The following SFXN5 variants were observed in gnomAD, a reference collection of about 807,000 sequenced individuals.
SFXN5 encodes the protein sideroflexin 5.
A neutral mutation model predicts 50.2 loss-of-function variants in SFXN5; 43 were observed. The ratio of observed to expected loss-of-function variants is 0.86; its 90% CI spans 0.67 to 1.11. SFXN5 has a LOEUF of 1.11. Among genes scored for constraint, SFXN5 ranks in the 50% least tolerant of loss-of-function variants. The pLI, the probability that SFXN5 is intolerant of heterozygous loss-of-function variation, is 0.00. For missense variants in SFXN5, 463 were observed against 454.1 expected, an observed-to-expected ratio of 1.02 and a Z score of -0.18; for synonymous variants, 203 against 185.8, an observed-to-expected ratio of 1.09 and a Z score of -0.75.
chr2:72,965,331 C>G (rs891395638), intron 12 of SFXN5, among the ~76,000 whole-genome samples: 2 of 152,212 alleles, frequency 1.3e-5, no homozygotes, highest in African/African-American at 4.8e-5. Flanking sequence ...TCCCTTCTGG[C>G]TCCCCTATCT....
At chr2:72,999,724 T>C (rs546324081) in intron 8 of SFXN5, among the ~76,000 whole-genome samples, 1 of 152,206 alleles carries the variant, frequency 6.6e-6, no homozygotes, top group South Asian at 2.1e-4. Flanking sequence ...CCAGCTCCTA[T>C]TCCCCTCCTC....
At chr2:72,965,062 C>G (rs984898018) in intron 12 of SFXN5, among the ~76,000 whole-genome samples, 1 of 152,208 alleles carries the variant, frequency 6.6e-6, no homozygotes, top group African/African-American at 2.4e-5. Context: ...GCCTGCCACA[C>G]CCCCTGATCC....
chr2:73,021,885 C>T (rs1676945317), intron 5 of SFXN5, among the ~76,000 whole-genome samples: 1 of 152,192 alleles, frequency 6.6e-6, no homozygotes, highest in Non-Finnish European at 1.5e-5. Context: ...CATGCCAGTG[C>T]TTTCTAAGCC....
At chr2:73,049,505 T>G (rs1305731733) in intron 2 of SFXN5, 1 of 152,180 alleles carries the variant, frequency 6.6e-6, no homozygotes, top group Non-Finnish European at 1.5e-5. Flanking sequence ...TTCTTGAGCC[T>G]TAGCCTCCCA....
chr2:73,060,169 C>T (rs770939235), intron 1 of SFXN5, among the ~76,000 whole-genome samples: 8 of 152,098 alleles, frequency 5.3e-5, no homozygotes, highest in East Asian at 3.9e-4. Context: ...AGGAAAGGAG[C>T]GGATTCAAAG....
At chr2:73,003,162 G>A (rs1374175867) in intron 6 of SFXN5, among the ~76,000 whole-genome samples, 2 of 152,118 alleles carry the variant, frequency 1.3e-5, no homozygotes, top group Non-Finnish European at 2.9e-5. Flanking sequence ...GGGGGTGGGT[G>A]AAGAGTACAT....
At chr2:72,981,965 T>TTGTGTGTGTGTGTG (rs10582006) in intron 10 of SFXN5, among the ~76,000 whole-genome samples, 16 of 145,610 alleles carry the variant, frequency 1.1e-4, no homozygotes, top group African/African-American at 3.5e-4. Flanking sequence ...CACTGGAACT[T>TTGTGTGTGTGTGTG]TGTGTGTGTG....
chr2:73,021,344 T>C (rs6546798), intron 5 of SFXN5, among the ~76,000 whole-genome samples: 149,566 of 152,206 alleles, frequency 0.98, 73,503 homozygotes, highest in East Asian at 1. Flanking sequence ...ATTAGCCAGG[T>C]GTGGTAGTGT....
At position 73,056,685 on chromosome 2, in the gene SFXN5, CA is replaced by C. The variant is rs143472338; in HGVS notation, c.171+1842del. On this transcript the variant is annotated intron_variant, in intron 2 of 13. Transcript: ENST00000272433. ...GGGCAACAAGAGCAAAACTCCGTCT[CA>C]AAAAAAAAAAAAAACACAAAAAACA... Among the ~76,000 whole-genome samples, 787 of 80,816 alleles carry C rather than the reference CA, an allele frequency of 9.7e-3. 5 individuals are homozygous for C. The highest frequency in any genetic ancestry group is 0.029 in the East Asian group (86 of 2,936). The allele number at this position is 80,816 out of a possible 152,430, so 53.0% of individuals were successfully genotyped here.
chr2:72,996,406 C>A (rs1574067094), intron 9 of SFXN5: 1 of 152,374 alleles, frequency 6.6e-6, no homozygotes, highest in Non-Finnish European at 1.5e-5. Context: ...CTAGGTTTGC[C>A]CTGGCAAGTG....
chr2:73,003,572 G>A (rs1207889422), intron 6 of SFXN5, among the ~76,000 whole-genome samples: 4 of 152,148 alleles, frequency 2.6e-5, no homozygotes, highest in African/African-American at 9.7e-5. Context: ...TCTTTGCACC[G>A]TCAGAAGCTC....
intron 13 of SFXN5, among the ~76,000 whole-genome samples, chr2:72,954,189 C>G (rs1164327744): frequency 6.6e-6 from 1 of 152,164 alleles, no homozygotes; most frequent in Admixed American, 6.5e-5. Flanking sequence ...TTCTAATCCC[C>G]AGAACCCTCT....
intron 6 of SFXN5, among the ~76,000 whole-genome samples, chr2:73,003,375 A>C (rs1674181613): frequency 6.6e-6 from 1 of 152,168 alleles, no homozygotes; most frequent in African/African-American, 2.4e-5. Flanking sequence ...GAACATCGTA[A>C]GATACAGCCC....
chr2:73,008,407 G>A (rs1203886856), intron 6 of SFXN5, among the ~76,000 whole-genome samples: 1 of 152,230 alleles, frequency 6.6e-6, no homozygotes, highest in Non-Finnish European at 1.5e-5. Flanking sequence ...TCAGGGCTGA[G>A]AGAGGCACAA....
chr2:72,958,453 T>G (rs910119504), intron 13 of SFXN5, among the ~76,000 whole-genome samples: 2 of 152,294 alleles, frequency 1.3e-5, no homozygotes, highest in Admixed American at 6.5e-5. Context: ...GTAAACTGGA[T>G]GACCTTGAAA....
chr2:72,955,505 G>C (rs1474509311), intron 13 of SFXN5, among the ~76,000 whole-genome samples: 4 of 152,248 alleles, frequency 2.6e-5, no homozygotes, highest in East Asian at 1.9e-4. Flanking sequence ...ATCAAGGAAG[G>C]GAGAAAGAGG....
At chr2:72,962,787 T>A (rs1164116659) in intron 12 of SFXN5, among the ~76,000 whole-genome samples, 1 of 152,210 alleles carries the variant, frequency 6.6e-6, no homozygotes, top group Non-Finnish European at 1.5e-5. Context: ...GTAGCCCACC[T>A]GTCTTCCAGT....
At position 72,960,325 on chromosome 2, in the gene SFXN5, G is replaced by A. The variant is rs562375502; in HGVS notation, c.945+806C>T. On this transcript the variant is annotated intron_variant, in intron 13 of 13. Transcript: ENST00000272433. The surrounding 1 kb of genome is among the most constrained non-coding windows in gnomAD (Gnocchi z 6.1). ...ACATCTGCCTGGTTGTTCAAAACCA[G>A]AAAGCCAGTGCACATCCTCTGGCTC... is the stretch of plus-strand genomic sequence containing the variant. Among the ~76,000 whole-genome samples, 10 of 152,204 alleles carry A rather than the reference G, an allele frequency of 6.6e-5. No individual in the cohort carries two copies. In the East Asian group the frequency reaches 1.7e-3, roughly 26 times the overall value.
chr2:72,978,980 A>G (rs1254803446), intron 10 of SFXN5, among the ~76,000 whole-genome samples: 2 of 152,232 alleles, frequency 1.3e-5, no homozygotes, highest in African/African-American at 2.4e-5. Flanking sequence ...AATGTCCCCA[A>G]TTAATCACCT....
Sources: allele counts gnomAD v4.1 joint callset (sites outside exome capture counted in the v4.1 genomes callset), GRCh38; gene constraint gnomAD v4.1.1; non-coding constraint Gnocchi (gnomAD v3.1); transcripts MANE v1.5; gene names NCBI Gene and HGNC (gene_info 2026-07-23, HGNC 2026-07-21).